Variants in EPHA6 observed in about 807,000 individuals in gnomAD.
EPHA6 encodes ephrin type-A receptor 6.
EPHA6 carries 50 observed loss-of-function variants against 112.0 expected under a neutral mutation model. The ratio of observed to expected loss-of-function variants is 0.45; its 90% CI spans 0.36 to 0.56. The LOEUF (loss-of-function observed/expected upper bound fraction) is 0.56. Ranked by LOEUF, EPHA6 falls within the 20% of genes least tolerant of loss-of-function variation. The probability of loss-of-function intolerance (pLI) is 0.00; values close to 1 mark genes in which losing one functional copy is unlikely to be tolerated. For missense variants in EPHA6, 1,280 were observed against 1,417.4 expected (o/e 0.90, Z 1.56); for synonymous variants, 529 against 490.7 (o/e 1.08, Z -1.03).
intron 5 of EPHA6, among the ~76,000 whole-genome samples, chr3:97,251,579 G>C (rs539540783): frequency 5.3e-5 from 8 of 152,156 alleles, no homozygotes; most frequent in African/African-American, 1.7e-4. Context: ...GGATTATTCT[G>C]ATCATCATTA....
At chr3:97,275,746 G>A (rs2080052402) in intron 5 of EPHA6, among the ~76,000 whole-genome samples, 1 of 152,066 alleles carries the variant, frequency 6.6e-6, no homozygotes, top group Non-Finnish European at 1.5e-5. Flanking sequence ...CGGGGTAAGG[G>A]TGATTAGGTT....
At chr3:96,882,834 G>A (rs1053877741) in intron 2 of EPHA6, among the ~76,000 whole-genome samples, 3 of 151,192 alleles carry the variant, frequency 2.0e-5, no homozygotes, top group African/African-American at 7.3e-5. Context: ...TTGATTGATG[G>A]GTATTTGGGT....
intron 14 of EPHA6, among the ~76,000 whole-genome samples, chr3:97,640,206 T>G (rs1014111626): frequency 6.6e-6 from 1 of 152,034 alleles, no homozygotes; most frequent in African/African-American, 2.4e-5. Context: ...AACCAAATCT[T>G]AGGAGAATTT....
At chr3:96,932,649 G>C (rs1230264113) in intron 2 of EPHA6, among the ~76,000 whole-genome samples, 2 of 152,198 alleles carry the variant, frequency 1.3e-5, no homozygotes, top group African/African-American at 4.8e-5. Flanking sequence ...CCAGACAGGA[G>C]AGACAGTGGT....
At chr3:97,327,387 A>C (rs2082485963) in intron 5 of EPHA6, among the ~76,000 whole-genome samples, 1 of 152,040 alleles carries the variant, frequency 6.6e-6, no homozygotes. Flanking sequence ...AACATCTTGC[A>C]AAACTGTAGT....
At position 97,027,696 on chromosome 3, in the gene EPHA6, C is replaced by A. The variant is rs574380496; in HGVS notation, c.1114+39703C>A. 7.2e-5 allele frequency among the ~76,000 whole-genome samples: 11 copies of A among 152,256 alleles called. No homozygotes were observed. In the East Asian group the frequency reaches 1.7e-3, roughly 24 times the overall value. On this transcript the variant is annotated intron_variant, in intron 3 of 17. Coordinates refer to ENST00000389672, the MANE Select transcript of EPHA6 (RefSeq NM_001080448.3). ...ATGTCCCAAACTCAAACTTTTAATG[C>A]TTTATAACAGTCTCAGTTCCTTTTA...
At chr3:97,499,421 T>C (rs1308391078) in intron 10 of EPHA6, among the ~76,000 whole-genome samples, 4 of 152,138 alleles carry the variant, frequency 2.6e-5, no homozygotes, top group Non-Finnish European at 5.9e-5. Context: ...ATAATCAAGA[T>C]ACAAAACATA....
intron 3 of EPHA6, among the ~76,000 whole-genome samples, chr3:97,158,490 TTTTAG>T (rs1185834502): frequency 1.3e-5 from 2 of 152,158 alleles, no homozygotes; most frequent in African/African-American, 4.8e-5. Flanking sequence ...GTCTTAATCA[TTTTAG>T]GAGACTTATT....
intron 3 of EPHA6, among the ~76,000 whole-genome samples, chr3:97,046,445 A>C (rs933160634): frequency 7.2e-5 from 11 of 152,174 alleles, no homozygotes; most frequent in African/African-American, 2.7e-4. Flanking sequence ...TATATTCAAA[A>C]AACATACTTC....
intron 3 of EPHA6, among the ~76,000 whole-genome samples, chr3:97,045,010 A>G (rs2045453445): frequency 6.6e-6 from 1 of 152,118 alleles, no homozygotes; most frequent in South Asian, 2.1e-4. Context: ...GAAGTATTAT[A>G]TCAATTTGAA....
At chr3:97,251,007 A>T (rs2079121228) in intron 5 of EPHA6, among the ~76,000 whole-genome samples, 1 of 151,790 alleles carries the variant, frequency 6.6e-6, no homozygotes, top group Admixed American at 6.6e-5. Context: ...CTGGGATTAC[A>T]GGTGCCCACC....
At chr3:97,478,794 T>C (rs1479039343) in intron 8 of EPHA6, among the ~76,000 whole-genome samples, 2 of 152,102 alleles carry the variant, frequency 1.3e-5, no homozygotes, top group African/African-American at 2.4e-5. Context: ...TCAAATCATA[T>C]GGATGTTGAA....
rs1054134904 is a variant in EPHA6, at chr3:97,592,484, C to T, written c.2387-128C>T. ...TTATGGAGTAAAAAATGCATTCCAT[C>T]CCTTTAATTTTATAACTTCTTCGTA... On this transcript the variant is annotated intron_variant, in intron 11 of 17. Transcript: ENST00000389672. 22 of 1,064,248 alleles carry T rather than the reference C, an allele frequency of 2.1e-5. No individual in the cohort carries two copies. The African/African-American group carries it at 3.4e-4, about 16-fold the overall frequency. 65.9% of individuals were successfully genotyped at this position (1,064,248 alleles called of 1,614,324 possible). A position where few individuals can be genotyped will look rare whatever the true frequency, so the allele number is the denominator to read the frequency against.
chr3:97,602,773 T>C (rs2093652890), intron 12 of EPHA6, among the ~76,000 whole-genome samples: 1 of 152,088 alleles, frequency 6.6e-6, no homozygotes, highest in African/African-American at 2.4e-5. Context: ...TAGAGTAGTA[T>C]CTATTTTTAA....
chr3:97,712,795 G>T (rs1481138408), intron 14 of EPHA6, among the ~76,000 whole-genome samples: 1 of 151,988 alleles, frequency 6.6e-6, no homozygotes, highest in Non-Finnish European at 1.5e-5. Context: ...TTTATTACAG[G>T]AACAACAAAA....
At chr3:97,315,330 A>C (rs1286443542) in intron 5 of EPHA6, among the ~76,000 whole-genome samples, 2 of 151,702 alleles carry the variant, frequency 1.3e-5, no homozygotes, top group Non-Finnish European at 3.0e-5. Context: ...GCACAGCAAT[A>C]TGCCTGTTGA....
chr3:97,416,625 A>T (rs1179412175), intron 6 of EPHA6, among the ~76,000 whole-genome samples: 1 of 152,058 alleles, frequency 6.6e-6, no homozygotes, highest in East Asian at 1.9e-4. Flanking sequence ...AAAGCAAAGT[A>T]CACCATTTCT....
intron 1 of EPHA6, among the ~76,000 whole-genome samples, chr3:96,840,824 T>TA (rs2034700186): frequency 1.3e-5 from 2 of 152,126 alleles, no homozygotes; most frequent in African/African-American, 4.8e-5. Context: ...CCTTTGGCCT[T>TA]ACTGTGGCAA....
At chr3:97,679,076 T>G (rs899085633) in intron 14 of EPHA6, among the ~76,000 whole-genome samples, 1 of 152,196 alleles carries the variant, frequency 6.6e-6, no homozygotes, top group Non-Finnish European at 1.5e-5. Flanking sequence ...GTCAAAATAA[T>G]TCTGCTTGTT....
Sources: gnomAD v4.1 joint callset for allele counts (sites outside exome capture counted in the v4.1 genomes callset) on GRCh38, gnomAD v4.1.1 for gene constraint, MANE v1.5 for transcripts, NCBI Gene and HGNC (gene_info 2026-07-23, HGNC 2026-07-21) for gene names.